The following CELF4 variants were observed in gnomAD, a reference collection of about 807,000 sequenced individuals.
CELF4 encodes the protein CUGBP Elav-like family member 4, also known as CUG-BP- and ETR-3-like factor 4.
Under a neutral mutation model 59.9 loss-of-function variants are expected in CELF4, and 18 were observed. The ratio of observed to expected loss-of-function variants is 0.30; its 90% CI spans 0.21 to 0.45. The LOEUF (loss-of-function observed/expected upper bound fraction) is 0.45, where lower values mean the gene tolerates loss of function less well. CELF4 is among the 20% of genes least tolerant of loss of function. CELF4 has a pLI of 1.00. For synonymous variants in CELF4, 261 were observed against 267.1 expected, an observed-to-expected ratio of 0.98 and a Z score of 0.22; for missense variants, 456 against 689.0, an observed-to-expected ratio of 0.66 and a Z score of 3.79.
chr18:37,316,691 C>T (rs911697639), intron 3 of CELF4, among the ~76,000 whole-genome samples: 1 of 152,074 alleles, frequency 6.6e-6, no homozygotes, highest in Non-Finnish European at 1.5e-5. Context: ...CCTGCTTGCT[C>T]CAGGCCACAG....
chr18:37,356,734 A>G (rs916545346), intron 2 of CELF4, among the ~76,000 whole-genome samples: 23 of 152,348 alleles, frequency 1.5e-4, no homozygotes, highest in African/African-American at 4.1e-4. Context: ...AAGGAAAGGC[A>G]CATGGCATGC....
At chr18:37,251,229 G>A (rs1184415774) in intron 12 of CELF4, among the ~76,000 whole-genome samples, 1 of 152,086 alleles carries the variant, frequency 6.6e-6, no homozygotes, top group Admixed American at 6.5e-5. Flanking sequence ...AGCAGTGCCT[G>A]GTGCATGGTA....
chr18:37,480,596 G>A (rs1157900217), intron 2 of CELF4, among the ~76,000 whole-genome samples: 1 of 152,116 alleles, frequency 6.6e-6, no homozygotes, highest in Admixed American at 6.5e-5. Context: ...AAAATTAGAT[G>A]GATCCCTCAA....
rs375048232 is a variant in CELF4, at chr18:37,353,032, T to A, written c.370-31151A>T. On this transcript the variant is annotated intron_variant, in intron 2 of 12. Coordinates refer to ENST00000420428, the MANE Select transcript of CELF4 (RefSeq NM_020180.4). ...GTCAGGAGATCGAGACCATCCTGGC[T>A]AACACGGTGAAACCCTGTCTCTACT... Among the ~76,000 whole-genome samples, 139 of 152,014 alleles carry A rather than the reference T, an allele frequency of 9.1e-4. 1 individual carries two copies. Among genetic ancestry groups the A allele is most frequent in the African/African-American group, 3.2e-3 (131 of 41,452 alleles).
At chr18:37,360,818 A>G (rs1569567678) in intron 2 of CELF4, among the ~76,000 whole-genome samples, 1 of 152,202 alleles carries the variant, frequency 6.6e-6, no homozygotes. Flanking sequence ...AGACACGCCC[A>G]TTACTGAATC....
chr18:37,487,975 C>T (rs1301952154), intron 1 of CELF4, among the ~76,000 whole-genome samples: 2 of 152,098 alleles, frequency 1.3e-5, no homozygotes, highest in Non-Finnish European at 2.9e-5. Context: ...GTCTCCACCC[C>T]CTGAATTTAT....
Position 37,243,758 on chromosome 18 carries a change from T to A in CELF4, c.*1484A>T, listed in dbSNP as rs988935310. On this transcript the variant is annotated 3_prime_UTR_variant, in exon 13 of 13. Transcript: ENST00000420428. ...TTTTTCTCTCTCTTTTTTAAGGTTTTGTGTGTGTGTGTGTTGTCTAGTTGT... is the reference window on the plus strand; with the variant it reads ...TTTTTCTCTCTCTTTTTTAAGGTTTAGTGTGTGTGTGTGTTGTCTAGTTGT... 6.5e-6 allele frequency: 1 copy of A among 153,494 alleles called. No homozygotes were observed. Among genetic ancestry groups the A allele is most frequent in the Non-Finnish European group, 1.4e-5 (1 of 69,056 alleles). 9.5% of individuals were successfully genotyped at this position (153,494 alleles called of 1,614,324 possible).
chr18:37,339,426 G>T (rs990291612), intron 2 of CELF4, among the ~76,000 whole-genome samples: 3 of 152,190 alleles, frequency 2.0e-5, no homozygotes, highest in Non-Finnish European at 2.9e-5. Flanking sequence ...GTGTGAGCAT[G>T]AGTGTGCTCA....
chr18:37,516,372 G>T (rs1260659818), intron 1 of CELF4, among the ~76,000 whole-genome samples: 2 of 152,110 alleles, frequency 1.3e-5, no homozygotes, highest in Admixed American at 6.5e-5. Flanking sequence ...ATTCAAGTCA[G>T]GGGCCCTGCT....
At chr18:37,447,745 G>A (rs1569569448) in intron 2 of CELF4, among the ~76,000 whole-genome samples, 1 of 152,210 alleles carries the variant, frequency 6.6e-6, no homozygotes, top group East Asian at 1.9e-4. Flanking sequence ...ACCTGCCCTG[G>A]TGTTCGGGTT....
chr18:37,555,201 C>T (rs1331066030), intron 1 of CELF4, among the ~76,000 whole-genome samples: 2 of 152,190 alleles, frequency 1.3e-5, no homozygotes, highest in African/African-American at 4.8e-5. Context: ...ACAGCGGGGG[C>T]AAGCATGCTT....
At chr18:37,414,691 G>T (rs1023702048) in intron 2 of CELF4, among the ~76,000 whole-genome samples, 2 of 151,762 alleles carry the variant, frequency 1.3e-5, no homozygotes, top group Non-Finnish European at 2.9e-5. Flanking sequence ...TAGAGATGGG[G>T]TTTCACCGTG....
chr18:37,535,684 A>G (rs1235656470), intron 1 of CELF4, among the ~76,000 whole-genome samples: 3 of 152,194 alleles, frequency 2.0e-5, no homozygotes, highest in Non-Finnish European at 4.4e-5. Context: ...CGTTCTGAAC[A>G]CGGGATTCAA....
At chr18:37,459,487 T>A (rs7231376) in intron 2 of CELF4, among the ~76,000 whole-genome samples, 4,419 of 152,174 alleles carry the variant, frequency 0.029, 206 homozygotes, top group African/African-American at 0.099. Flanking sequence ...TAGCATGGAG[T>A]CCTCACATTT....
intron 2 of CELF4, among the ~76,000 whole-genome samples, chr18:37,366,893 T>C (rs879406782): frequency 4.6e-5 from 7 of 152,212 alleles, no homozygotes; most frequent in Non-Finnish European, 8.8e-5. Flanking sequence ...TCCACCCATC[T>C]ACCCGTGCCC....
In CELF4 at chr18:37,385,354, C is replaced by CAAAAAAAA. The variant is rs34504926; in HGVS notation, c.370-63481_370-63474dup. ...TGGGCAACAGTGCAAGACTCCATCT[C>CAAAAAAAA]AAAAAAAAAAAAAAAAAAGAAAGAA... On this transcript the variant is annotated intron_variant, in intron 2 of 12. Transcript: ENST00000420428. 2.9e-3 allele frequency among the ~76,000 whole-genome samples: 287 copies of CAAAAAAAA among 100,458 alleles called. 2 individuals are homozygous for CAAAAAAAA. Among genetic ancestry groups the CAAAAAAAA allele is most frequent in the African/African-American group, 1.0e-2 (271 of 27,212 alleles). 65.9% of individuals were successfully genotyped at this position (100,458 alleles called of 152,430 possible).
intron 2 of CELF4, among the ~76,000 whole-genome samples, chr18:37,448,165 A>G (rs2099753396): frequency 6.6e-6 from 1 of 152,254 alleles, no homozygotes; most frequent in Non-Finnish European, 1.5e-5. Flanking sequence ...TGCTGACATC[A>G]GCAGGAATTT....
At chr18:37,283,914 T>C (rs56274813) in intron 3 of CELF4, among the ~76,000 whole-genome samples, 2 of 33,142 alleles carry the variant, frequency 6.0e-5, no homozygotes, top group Non-Finnish European at 1.1e-4. Flanking sequence ...AGTGGCAACA[T>C]ACACACACAC....
chr18:37,426,230 C>T (rs961027313), intron 2 of CELF4, among the ~76,000 whole-genome samples: 8 of 152,274 alleles, frequency 5.3e-5, no homozygotes, highest in South Asian at 2.1e-4. Flanking sequence ...GGAAGAATAT[C>T]GGGACACTGG....
Sources: gnomAD v4.1 joint callset for allele counts (sites outside exome capture counted in the v4.1 genomes callset) on GRCh38, gnomAD v4.1.1 for gene constraint, MANE v1.5 for transcripts, NCBI Gene and HGNC (gene_info 2026-07-23, HGNC 2026-07-21) for gene names.